The following PTPN23 variants were observed in gnomAD, a reference collection of about 807,000 sequenced individuals.
PTPN23 encodes protein tyrosine phosphatase non-receptor type 23.
PTPN23 carries 72 observed loss-of-function variants against 156.3 expected under a neutral mutation model. That is an observed-to-expected ratio of 0.46 (90% CI 0.38 to 0.56). The LOEUF is 0.56. Ranked by LOEUF, PTPN23 falls within the 20% of genes least tolerant of loss-of-function variation. The pLI is 0.00. For missense variants in PTPN23, 1,974 were observed against 2,171.5 expected (o/e 0.91, Z 1.81); for synonymous variants, 957 against 899.6 (o/e 1.06, Z -1.14).
In PTPN23 at chr3:47,412,644, G is replaced by A. The variant is rs767902112; in HGVS notation, c.4431+17G>A. ...AGCCAGAAGGTGAGGAAGGTTCCGT[G>A]GAAGCTGCTGGGAGAGCCACAGCCT... is the stretch of plus-strand genomic sequence containing the variant. On this transcript the variant is annotated intron_variant, in intron 24 of 24. Coordinates refer to ENST00000265562, the MANE Select transcript of PTPN23 (RefSeq NM_015466.4). 2 of 1,609,402 alleles carry A rather than the reference G, an allele frequency of 1.2e-6. No homozygotes were observed. Among genetic ancestry groups the A allele is most frequent in the South Asian group, 1.1e-5 (1 of 90,512 alleles).
chr3:47,403,697 A>T (rs911301305), intron 2 of PTPN23, among the ~76,000 whole-genome samples: 5 of 151,834 alleles, frequency 3.3e-5, no homozygotes, highest in African/African-American at 1.2e-4. Context: ...GATAATTTTT[A>T]AAATTCTTTT....
chr3:47,413,377 A>T lies in PTPN23; in HGVS notation c.*192A>T. 4.4e-6 allele frequency: 3 copies of T among 684,612 alleles called. No homozygotes were observed. The highest frequency in any genetic ancestry group is 2.3e-5 in the South Asian group (1 of 42,932). The allele number at this position is 684,612 out of a possible 1,614,324, so 42.4% of individuals were successfully genotyped here. On this transcript the variant is annotated 3_prime_UTR_variant, in exon 25 of 25. Coordinates refer to ENST00000265562, the MANE Select transcript of PTPN23 (RefSeq NM_015466.4). ...GCTCTGGGTCAGGTTCTGCTCCTTT[A>T]TGGGACCCGACATTTTTCAGCTCTT...
intron 1 of PTPN23, among the ~76,000 whole-genome samples, chr3:47,390,569 CTG>C (rs1422543628): frequency 1.3e-5 from 2 of 152,158 alleles, no homozygotes; most frequent in Admixed American, 6.5e-5. Context: ...TCCCGCTAGA[CTG>C]TTCCGAGTTC....
intron 14 of PTPN23, 114 bp from the exon 15 acceptor site, chr3:47,408,231 T>TTGCTCTC: frequency 6.9e-7 from 1 of 1,439,068 alleles, no homozygotes; most frequent in South Asian, 1.3e-5. Context: ...AGGTCACAAT[T>TTGCTCTC]TGCTCTCTGC....
chr3:47,405,707 T>G lies in PTPN23; in HGVS notation c.365-42T>G, dbSNP rs1705104954. On this transcript the variant is annotated intron_variant, in intron 4 of 24. Coordinates refer to ENST00000265562, the MANE Select transcript of PTPN23 (RefSeq NM_015466.4). This position sits in a 1 kb window ranked among gnomAD's most constrained non-coding sequence, Gnocchi z 4.7. ...CCTCTGTCTCACCTTCACATGGGTG[T>G]GAGCAGCCCCAGGCCCCTAACACTG... 2 of 1,579,864 alleles carry G rather than the reference T, an allele frequency of 1.3e-6. No homozygotes were observed. Among genetic ancestry groups the G allele is most frequent in the Admixed American group, 1.8e-5 (1 of 55,624 alleles).
rs1485168547 is a variant in PTPN23, at chr3:47,412,429, T to G, written c.4317+8T>G. 3.7e-6 allele frequency: 6 copies of G among 1,612,702 alleles called. No individual in the cohort carries two copies. On this transcript the variant is annotated splice_region_variant and intron_variant, in intron 23 of 24. Transcript: ENST00000265562. ...CACATGCTGCAGGAGAAGGTGAGGA[T>G]CTGGGCAGATGGGGCTGGGATGGGC...
chr3:47,410,257 C>A lies in PTPN23; in HGVS notation c.2459C>A (p.Ala820Asp). The A allele has an allele frequency of 6.2e-7, 1 of 1,610,576 alleles. No individual in the cohort carries two copies. The highest frequency in any genetic ancestry group is 8.5e-7 in the Non-Finnish European group (1 of 1,178,472). Residue 820 changes from alanine (A) to aspartate (D), a missense_variant, in exon 20 of 25, where the codon GCC becomes GAC. By Grantham distance (126) the Ala-to-Asp change is moderately radical (BLOSUM62 -2). Coordinates refer to ENST00000265562, the MANE Select transcript of PTPN23 (RefSeq NM_015466.4). The stretch of plus-strand genomic sequence containing the variant: ...GCAATGCCCGTAGCACCTGGGCCTG[C>A]CCTCTACCCAGCCCCTGCCTACACA... ...PHAMPVAPGP[A>D]LYPAPAYTPE...
chr3:47,408,293 G>C (rs902113854), intron 14 of PTPN23, 52 bp from the exon 15 acceptor site: 2 of 1,590,796 alleles, frequency 1.3e-6, no homozygotes, highest in African/African-American at 2.7e-5. Context: ...CTTTGACATG[G>C]TCAGAGTTGG....
chr3:47,408,698 T>A, intron 15 of PTPN23, 78 bp from the exon 16 acceptor site: 1 of 1,512,854 alleles, frequency 6.6e-7, no homozygotes, highest in Non-Finnish European at 8.9e-7. Context: ...GAGGGGGCGG[T>A]TCTGTCTCTT....
intron 2 of PTPN23, among the ~76,000 whole-genome samples, chr3:47,397,256 G>A (rs1386140662): frequency 6.6e-6 from 1 of 152,182 alleles, no homozygotes; most frequent in Non-Finnish European, 1.5e-5. Context: ...TTACTAAAAT[G>A]TGACACAGAG....
chr3:47,403,141 C>A (rs1220015696), intron 2 of PTPN23, among the ~76,000 whole-genome samples: 1 of 151,740 alleles, frequency 6.6e-6, no homozygotes, highest in Non-Finnish European at 1.5e-5. Flanking sequence ...GGCTCCGCCC[C>A]CCGGGGGTTC....
At position 47,407,358 on chromosome 3, in the gene PTPN23, T is replaced by C. The variant is rs756429234; in HGVS notation, c.914T>C (p.Ile305Thr). The change falls in exon 11 of 25, where the codon ATT (isoleucine) becomes ACT (threonine). Residue 305 changes from isoleucine to threonine, a missense_variant. By Grantham distance (89) the Ile-to-Thr change is moderately conservative. This residue lies in a region of PTPN23 where 726 missense variants were observed against 929.5 expected (regional missense o/e 0.78). Transcript: ENST00000265562. This position sits in a 1 kb window ranked among gnomAD's most constrained non-coding sequence, Gnocchi z 4.0. ...QDALRFTMDV[I>T]GGKYNSAKKD... ...GCGCTTCGCTTCACTATGGATGTCA[T>C]TGGGGGAAAGTGAGTCTGTGGGGGT... 35 of 1,613,812 alleles carry C rather than the reference T, an allele frequency of 2.2e-5. 1 individual carries two copies. The highest frequency in any genetic ancestry group is 7.7e-5 in the South Asian group (7 of 91,080).
chr3:47,390,090 A>T (rs1458424446), intron 1 of PTPN23, among the ~76,000 whole-genome samples: 1 of 151,554 alleles, frequency 6.6e-6, no homozygotes. Flanking sequence ...AAAAAAAAAA[A>T]AAATAGCTGG....
chr3:47,400,036 A>G (rs1009034620), intron 2 of PTPN23, among the ~76,000 whole-genome samples: 18 of 152,102 alleles, frequency 1.2e-4, no homozygotes, highest in African/African-American at 4.1e-4. Context: ...GTCTTAAACT[A>G]CTGGCCTCAA....
intron 1 of PTPN23, among the ~76,000 whole-genome samples, chr3:47,388,670 T>TG (rs1052792531): frequency 1.2e-4 from 18 of 150,980 alleles, no homozygotes; most frequent in Non-Finnish European, 2.7e-4. Flanking sequence ...AGATCTTTTT[T>TG]TTTTTTTTTT....
In PTPN23 at chr3:47,405,909, T is replaced by TC. The variant is rs761316103; in HGVS notation, c.415-3dup. Reference sequence around the variant, plus strand: ...GGACACAGGCCATCCTCCCACTCCCTCCCAGGGCATGAAGGTCTCCTGTAC... The same window carrying TC: ...GGACACAGGCCATCCTCCCACTCCCTCCCCAGGGCATGAAGGTCTCCTGTAC... On this transcript the variant is annotated splice_polypyrimidine_tract_variant and splice_region_variant and intron_variant, in intron 5 of 24. Transcript: ENST00000265562. This position sits in a 1 kb window ranked among gnomAD's most constrained non-coding sequence, Gnocchi z 4.7. The TC allele has an allele frequency of 1.6e-5, 26 of 1,613,212 alleles. No homozygotes were observed. Among genetic ancestry groups the TC allele is most frequent in the Non-Finnish European group, 2.2e-5 (26 of 1,179,652 alleles).
At chr3:47,386,172 C>CT (rs917531516) in intron 1 of PTPN23, among the ~76,000 whole-genome samples, 7 of 150,310 alleles carry the variant, frequency 4.7e-5, no homozygotes, top group South Asian at 2.1e-4. Context: ...GTTTTTTTTT[C>CT]TTTTTTTTTG....
intron 2 of PTPN23, among the ~76,000 whole-genome samples, chr3:47,397,524 A>G (rs1454255408): frequency 1.3e-5 from 2 of 152,202 alleles, no homozygotes; most frequent in Non-Finnish European, 2.9e-5. Flanking sequence ...TGCCATAGAA[A>G]TCAGTAGCTG....
At chr3:47,394,236 A>G (rs770699960) in intron 1 of PTPN23, among the ~76,000 whole-genome samples, 3 of 152,152 alleles carry the variant, frequency 2.0e-5, no homozygotes, top group African/African-American at 4.8e-5. Context: ...CACATCTGAT[A>G]AGGCCCCTAC....
Sources: allele counts gnomAD v4.1 joint callset (sites outside exome capture counted in the v4.1 genomes callset), GRCh38; gene constraint gnomAD v4.1.1; regional missense constraint gnomAD v4.1.1; non-coding constraint Gnocchi (gnomAD v3.1); transcripts MANE v1.5; gene names NCBI Gene and HGNC (gene_info 2026-07-23, HGNC 2026-07-21).